The following ERI2 variants were observed in gnomAD, a reference collection of about 807,000 sequenced individuals.
The protein encoded by ERI2 is ERI1 exoribonuclease family member 2.
ERI2 carries 35 observed loss-of-function variants against 46.8 expected under a neutral mutation model. The ratio of observed to expected loss-of-function variants is 0.75; its 90% CI spans 0.57 to 0.99. The LOEUF is 0.99. ERI2 is among the 50% of genes least tolerant of loss of function. The probability of loss-of-function intolerance (pLI) is 0.00; values close to 1 mark genes in which losing one functional copy is unlikely to be tolerated. For synonymous variants in ERI2, 224 were observed against 271.0 expected (o/e 0.83, Z 1.70); for missense variants, 695 against 796.2 (o/e 0.87, Z 1.53).
chr16:20,796,966 A>G lies in ERI2; in HGVS notation c.*758T>C, dbSNP rs139314236. 2.6e-5 allele frequency: 42 copies of G among 1,611,816 alleles called. No homozygotes were observed. In the African/African-American group the frequency reaches 5.3e-4, roughly 21 times the overall value. ...AACTGAGGAAGAAAGAATGGAAGAC[A>G]ATTTAAAGTTGTTTCATTAATTACC... On this transcript the variant is annotated 3_prime_UTR_variant, in exon 9 of 9. Transcript: ENST00000357967.
chr16:20,805,865 T>G, intron 1 of ERI2: 3 of 662,748 alleles, frequency 4.5e-6, no homozygotes, highest in Non-Finnish European at 5.6e-6. Context: ...AGCAGTAGGG[T>G]GGACGCGCCA....
chr16:20,786,452 G>C (rs577189298), intron 10 of ERI2: 40 of 417,566 alleles, frequency 9.6e-5, no homozygotes, highest in Admixed American at 3.3e-4. Context: ...AGGCCAAGGC[G>C]GGAGCATCAC....
rs1028075901 is a variant in ERI2, at chr16:20,788,523, C to T, written c.894+956G>A. On this transcript the variant is annotated intron_variant, in intron 10 of 10. Transcript: ENST00000300005. ...TCATTTTTAACTCTTTTCCACGGGC[C>T]GTTATTATGGGGCTTCTTGTTCCTT... Among the ~76,000 whole-genome samples, 10 of 152,236 alleles carry T rather than the reference C, an allele frequency of 6.6e-5. No homozygotes were observed. In the South Asian group the frequency reaches 8.3e-4, roughly 13 times the overall value.
chr16:20,789,435 A>G, intron 10 of ERI2: 1 of 1,363,516 alleles, frequency 7.3e-7, no homozygotes, highest in Non-Finnish European at 1.0e-6. Context: ...GGGAATGATG[A>G]GGATTGGAGA....
Position 20,797,722 on chromosome 16 carries a change from T to A in ERI2, c.*2A>T, listed in dbSNP as rs2080746926. Reference sequence around the variant, plus strand: ...CAATTAGGATTCATACATGAAAGGTTATCAATTCCTCATTGAAGGCCTGAG... The same window carrying A: ...CAATTAGGATTCATACATGAAAGGTAATCAATTCCTCATTGAAGGCCTGAG... On this transcript the variant is annotated 3_prime_UTR_variant, in exon 9 of 9. Coordinates refer to ENST00000357967, the MANE Select transcript of ERI2 (RefSeq NM_001142725.2). 3.9e-6 allele frequency: 6 copies of A among 1,538,494 alleles called. No individual in the cohort carries two copies. Among genetic ancestry groups the A allele is most frequent in the Middle Eastern group, 3.4e-4 (2 of 5,912 alleles).
At chr16:20,799,798 A>G in intron 7 of ERI2, 159 bp downstream of exon 7, 1 of 526,730 alleles carries the variant, frequency 1.9e-6, no homozygotes, top group Non-Finnish European at 3.4e-6. Context: ...TGAAAGTGGT[A>G]ATTTGAAAGT....
rs2152494177 is a variant in ERI2 at position 20,797,082 on chromosome 16, CTG to C, written c.*640_*641del. 7.0e-7 allele frequency: 1 copy of C among 1,434,530 alleles called. No homozygotes were observed. Among genetic ancestry groups the C allele is most frequent in the Non-Finnish European group, 9.1e-7 (1 of 1,098,034 alleles). 88.9% of individuals were successfully genotyped at this position (1,434,530 alleles called of 1,614,324 possible). A position where few individuals can be genotyped will look rare whatever the true frequency, so the allele number is the denominator to read the frequency against. On this transcript the variant is annotated 3_prime_UTR_variant, in exon 9 of 9. Transcript: ENST00000357967. Reference sequence around the variant, plus strand: ...AAAACTGTGGTAGTATGCTTAGAAACTGTTGATTTAAAATATCTTGTGGTTAT... The same window carrying C: ...AAAACTGTGGTAGTATGCTTAGAAACTTGATTTAAAATATCTTGTGGTTAT...
intron 8 of ERI2, chr16:20,791,047 CAG>C (rs754082907): frequency 7.9e-5 from 84 of 1,066,624 alleles, no homozygotes; most frequent in Middle Eastern, 6.2e-4. Context: ...GTGAGAGGGA[CAG>C]GGGATGCGGG....
At chr16:20,782,673 T>C (rs1342242322) in intron 10 of ERI2, among the ~76,000 whole-genome samples, 2 of 152,190 alleles carry the variant, frequency 1.3e-5, no homozygotes, top group Non-Finnish European at 2.9e-5. Context: ...CCATCTCAAA[T>C]GCTAATCACA....
rs2080793597 is a variant in ERI2, at chr16:20,801,357, A to G, written c.306T>C (p.Ala102=). ...FCMELTGIKQ[A]QVDEGVPLKI... ...TCAGAGGGACTCCTTCATCAACTTG[A>G]GCCTGAGTAGAGAGTCACAAAAGCT... The change falls in exon 5 of 9, where the codon GCT becomes GCC. Residue 102 remains alanine, a splice_region_variant and synonymous_variant. Transcript: ENST00000357967. The G allele has an allele frequency of 1.3e-6, 2 of 1,593,960 alleles. No homozygotes were observed. The highest frequency in any genetic ancestry group is 1.7e-6 in the Non-Finnish European group (2 of 1,171,926).
downstream of ERI2, among the ~76,000 whole-genome samples, chr16:20,794,322 T>G (rs1050895767): frequency 1.3e-5 from 2 of 152,210 alleles, no homozygotes; most frequent in South Asian, 4.1e-4. Context: ...CTTAAATTTT[T>G]GGGATCACAT....
At chr16:20,789,525 G>A (rs528363831) in exon 10 of ERI2, 2 of 1,613,680 alleles carry the variant, frequency 1.2e-6, no homozygotes, top group East Asian at 2.2e-5. Context: ...ACTCATATTG[G>A]GCTTCTGAAG....
chr16:20,792,805 A>G (rs1017382764), downstream of ERI2: 64 of 694,340 alleles, frequency 9.2e-5, no homozygotes, highest in African/African-American at 1.2e-3. Flanking sequence ...GTAAATAAGT[A>G]GAGATTTCAG....
intron 10 of ERI2, among the ~76,000 whole-genome samples, chr16:20,782,126 G>C (rs1050541129): frequency 4.6e-5 from 7 of 152,208 alleles, no homozygotes; most frequent in African/African-American, 7.2e-5. Context: ...TATCCCAGCA[G>C]ATAGAAAAGA....
intron 9 of ERI2, chr16:20,789,645 G>T: frequency 1.1e-6 from 1 of 931,944 alleles, no homozygotes. Context: ...GATAAAAGCA[G>T]GTTGGCAAAA....
chr16:20,800,172 A>T, intron 6 of ERI2, 130 bp downstream of exon 6: 1 of 848,096 alleles, frequency 1.2e-6, no homozygotes, highest in Non-Finnish European at 1.9e-6. Flanking sequence ...TAAATACTTT[A>T]AGAAATGCAT....
chr16:20,805,990 T>C (rs1472584140), intron 1 of ERI2: 11 of 1,076,376 alleles, frequency 1.0e-5, no homozygotes, highest in Middle Eastern at 4.0e-4. Flanking sequence ...TAAATTTAAG[T>C]TTAAGTTCTA....
In ERI2 at chr16:20,801,281, T is replaced by C. The variant is rs765354849; in HGVS notation, c.382A>G (p.Lys128Glu). Reference protein sequence around the residue: ...CKWIHKIQQQKNIIFATGISE... With the variant: ...CKWIHKIQQQENIIFATGISE... ...ATCCCAGTAGCAAAAATAATGTTCTTCTGTTGCTGAATCTTATGAATCCAT... is the reference window on the plus strand; with the variant it reads ...ATCCCAGTAGCAAAAATAATGTTCTCCTGTTGCTGAATCTTATGAATCCAT... The change falls in exon 5 of 9, where the codon AAG becomes GAG. Residue 128 changes from lysine (K) to glutamate (E), a missense_variant. Physicochemically the swap from Lys to Glu is moderately conservative, Grantham distance 56. Transcript: ENST00000357967. The C allele has an allele frequency of 6.2e-7, 1 of 1,613,030 alleles. No individual in the cohort carries two copies. The highest frequency in any genetic ancestry group is 1.1e-5 in the South Asian group (1 of 90,854).
Position 20,790,589 on chromosome 16 carries a change from T to G in ERI2, c.815+261A>C. ...TAAATTGTTCTATTTTATCCTAGAT[T>G]GTAGATGTAAATGGCAATGTTCTAC... On this transcript the variant is annotated intron_variant, in intron 9 of 10. Coordinates refer to the ERI2 transcript ENST00000300005. This position sits in a 1 kb window ranked among gnomAD's most constrained non-coding sequence, Gnocchi z 4.0. The G allele has an allele frequency of 1.9e-6, 3 of 1,613,256 alleles. No homozygotes were observed. Among genetic ancestry groups the G allele is most frequent in the Non-Finnish European group, 1.7e-6 (2 of 1,179,186 alleles).
Sources: gnomAD v4.1 joint callset for allele counts (sites outside exome capture counted in the v4.1 genomes callset) on GRCh38, gnomAD v4.1.1 for gene constraint, Gnocchi (gnomAD v3.1) non-coding constraint, MANE v1.5 for transcripts, NCBI Gene and HGNC (gene_info 2026-07-23, HGNC 2026-07-21) for gene names.